Variants in SNTG1 observed in about 807,000 individuals in gnomAD.
The protein encoded by SNTG1 is syntrophin gamma 1.
Under a neutral mutation model 74.7 loss-of-function variants are expected in SNTG1, and 39 were observed. The ratio of observed to expected loss-of-function variants is 0.52; its 90% CI spans 0.40 to 0.68. The LOEUF is 0.68. SNTG1 is among the 30% of genes least tolerant of loss of function. The probability of loss-of-function intolerance (pLI) is 0.00; values close to 1 mark genes in which losing one functional copy is unlikely to be tolerated. For missense variants in SNTG1, 685 were observed against 609.5 expected, an observed-to-expected ratio of 1.12 and a Z score of -1.30; for synonymous variants, 254 against 217.1, an observed-to-expected ratio of 1.17 and a Z score of -1.49.
chr8:50,749,055 T>C (rs2095561423), intron 17 of SNTG1, among the ~76,000 whole-genome samples: 1 of 152,036 alleles, frequency 6.6e-6, no homozygotes, highest in Admixed American at 6.6e-5. Context: ...GGCTAAAAGC[T>C]GGGCCTCCTG....
intron 15 of SNTG1, among the ~76,000 whole-genome samples, chr8:50,687,746 GGT>G (rs1228659222): frequency 6.6e-6 from 1 of 151,998 alleles, no homozygotes; most frequent in Admixed American, 6.6e-5. Flanking sequence ...AACAGTCCAT[GGT>G]GTGTGATGTT....
chr8:50,329,859 T>C (rs1473736651), intron 2 of SNTG1, among the ~76,000 whole-genome samples: 1 of 152,218 alleles, frequency 6.6e-6, no homozygotes, highest in Non-Finnish European at 1.5e-5. Context: ...TCCAAACTTT[T>C]ATGCTCTGCT....
intron 8 of SNTG1, among the ~76,000 whole-genome samples, chr8:50,491,868 T>C (rs2093857964): frequency 7.4e-6 from 1 of 135,058 alleles, no homozygotes; most frequent in Middle Eastern, 3.6e-3. Context: ...CTAATGCTAT[T>C]CCTCCCCTAG....
At chr8:50,735,108 CA>C (rs551477593) in intron 17 of SNTG1, among the ~76,000 whole-genome samples, 26 of 151,282 alleles carry the variant, frequency 1.7e-4, no homozygotes, top group Non-Finnish European at 3.0e-4. Context: ...TCATCCGAAA[CA>C]GAAACTCTGT....
chr8:50,336,489 C>T (rs936712068), intron 2 of SNTG1, among the ~76,000 whole-genome samples: 10 of 152,244 alleles, frequency 6.6e-5, no homozygotes, highest in African/African-American at 2.4e-4. Flanking sequence ...ATTGTCTAAA[C>T]CAGAGGTGGT....
At chr8:50,623,369 G>T (rs907799361) in intron 13 of SNTG1, among the ~76,000 whole-genome samples, 8 of 151,996 alleles carry the variant, frequency 5.3e-5, no homozygotes, top group South Asian at 2.1e-4. Context: ...CCAGTTTTTT[G>T]ATTGTCTTTG....
rs576305244 is a variant in SNTG1, at chr8:50,510,297, T to C, written c.466+7417T>C. Reference sequence around the variant, plus strand: ...ATCATGTTGGATAAGCTTTTTGATGTGCTGCTGGATTTGGTTTGCCAGTAT... The same window carrying C: ...ATCATGTTGGATAAGCTTTTTGATGCGCTGCTGGATTTGGTTTGCCAGTAT... On this transcript the variant is annotated intron_variant, in intron 9 of 18. Coordinates refer to ENST00000642720, the MANE Select transcript of SNTG1 (RefSeq NM_018967.5). Among the ~76,000 whole-genome samples the C allele has an allele frequency of 2.0e-5, 3 of 152,334 alleles. No individual in the cohort carries two copies. In the East Asian group the frequency reaches 5.8e-4, roughly 29 times the overall value.
chr8:50,599,144 TG>T lies in SNTG1; in HGVS notation c.849+8229del, dbSNP rs556403369. 3.5e-3 allele frequency among the ~76,000 whole-genome samples: 537 copies of T among 152,186 alleles called. 2 individuals carry two copies. The highest frequency in any genetic ancestry group is 6.6e-3 in the South Asian group (32 of 4,830). ...TGTCATTTCCGCCAATGTATATTCT[TG>T]GTACACTTGTTGGAAATGAATTCAC... On this transcript the variant is annotated intron_variant, in intron 13 of 18. Transcript: ENST00000642720.
intron 18 of SNTG1, among the ~76,000 whole-genome samples, chr8:50,761,808 A>C (rs1170329217): frequency 6.6e-6 from 1 of 151,950 alleles, no homozygotes; most frequent in Admixed American, 6.6e-5. Context: ...ACTTAGTTTG[A>C]CTTAGATTGT....
intron 1 of SNTG1, among the ~76,000 whole-genome samples, chr8:50,146,815 G>A (rs1281933255): frequency 6.6e-6 from 1 of 151,912 alleles, no homozygotes; most frequent in Non-Finnish European, 1.5e-5. Flanking sequence ...CCATTAATAT[G>A]TCTTCTATGG....
chr8:50,662,709 T>C (rs2095230662), intron 15 of SNTG1, among the ~76,000 whole-genome samples: 1 of 151,840 alleles, frequency 6.6e-6, no homozygotes, highest in Non-Finnish European at 1.5e-5. Context: ...AGAGCAAAGG[T>C]TTCAGAAAAA....
At chr8:50,026,933 G>T (rs967217091) in intron 1 of SNTG1, among the ~76,000 whole-genome samples, 1 of 152,160 alleles carries the variant, frequency 6.6e-6, no homozygotes. Context: ...AAATGTGCTT[G>T]CTTGACAGTG....
intron 18 of SNTG1, among the ~76,000 whole-genome samples, chr8:50,787,533 CA>C (rs1170747207): frequency 2.0e-5 from 3 of 151,662 alleles, no homozygotes; most frequent in African/African-American, 7.3e-5. Flanking sequence ...CCCAAACACA[CA>C]AAAAAGAAAC....
At chr8:50,539,306 G>GTTC (rs1171827062) in intron 11 of SNTG1, among the ~76,000 whole-genome samples, 1 of 152,096 alleles carries the variant, frequency 6.6e-6, no homozygotes, top group Non-Finnish European at 1.5e-5. Context: ...TGTTGTTGTT[G>GTTC]TTGTTGTTCT....
intron 17 of SNTG1, among the ~76,000 whole-genome samples, chr8:50,745,450 C>T (rs2095553048): frequency 6.6e-6 from 1 of 151,964 alleles, no homozygotes; most frequent in African/African-American, 2.4e-5. Flanking sequence ...CTTTCTTTCA[C>T]ATTGCTGGTA....
chr8:50,623,557 T>C (rs79405857), intron 13 of SNTG1, among the ~76,000 whole-genome samples: 6,548 of 152,188 alleles, frequency 0.043, 247 homozygotes, highest in African/African-American at 0.094. Context: ...TGTCCCTGTA[T>C]GTGCCCATTT....
chr8:49,968,857 G>T (rs1447869629), intron 1 of SNTG1, among the ~76,000 whole-genome samples: 1 of 152,128 alleles, frequency 6.6e-6, no homozygotes, highest in African/African-American at 2.4e-5. Flanking sequence ...GGATAGAACT[G>T]GGGATGACAG....
chr8:50,569,807 C>T (rs1358413146), intron 12 of SNTG1, among the ~76,000 whole-genome samples: 1 of 152,062 alleles, frequency 6.6e-6, no homozygotes, highest in East Asian at 1.9e-4. Context: ...TTGCTGTCTG[C>T]TTGTCTGCAT....
At chr8:50,470,889 C>G (rs896267567) in intron 8 of SNTG1, among the ~76,000 whole-genome samples, 4 of 152,154 alleles carry the variant, frequency 2.6e-5, no homozygotes, top group African/African-American at 9.7e-5. Flanking sequence ...TGGCCCCACC[C>G]ACATCCTGCT....
Sources: allele counts gnomAD v4.1 joint callset (sites outside exome capture counted in the v4.1 genomes callset), GRCh38; gene constraint gnomAD v4.1.1; transcripts MANE v1.5; gene names NCBI Gene and HGNC (gene_info 2026-07-23, HGNC 2026-07-21).